The following RBPJ variants were observed in gnomAD, a reference collection of about 807,000 sequenced individuals.
The protein encoded by RBPJ is recombining binding protein suppressor of hairless.
Under a neutral mutation model 67.8 loss-of-function variants are expected in RBPJ, and 9 were observed. The observed-to-expected ratio is 0.13, with a 90% CI of 0.08 to 0.23. The LOEUF is 0.23. RBPJ is among the 10% of genes least tolerant of loss of function. The probability of loss-of-function intolerance (pLI) is 1.00; values close to 1 mark genes in which losing one functional copy is unlikely to be tolerated. For missense variants in RBPJ, 305 were observed against 595.6 expected (o/e 0.51, Z 5.08); for synonymous variants, 198 against 203.3 (o/e 0.97, Z 0.22).
intron 1 of RBPJ, among the ~76,000 whole-genome samples, chr4:26,365,124 C>G (rs149295474): frequency 6.6e-6 from 1 of 151,530 alleles, no homozygotes; most frequent in South Asian, 2.1e-4. Flanking sequence ...TATATACACA[C>G]AGTGCAGGTT....
At chr4:26,328,290 T>G (rs1370773535) in intron 1 of RBPJ, among the ~76,000 whole-genome samples, 1 of 152,220 alleles carries the variant, frequency 6.6e-6, no homozygotes, top group Non-Finnish European at 1.5e-5. Flanking sequence ...CTCCTTTTAG[T>G]ATTGTTTTAA....
chr4:26,168,140 G>A (rs541445919), intron 1 of RBPJ, among the ~76,000 whole-genome samples: 2,312 of 150,944 alleles, frequency 0.015, 27 homozygotes, highest in Admixed American at 0.028. Context: ...TATTTTGCTC[G>A]TTAGTTGATG....
At chr4:26,240,704 G>A (rs901628802) in intron 1 of RBPJ, among the ~76,000 whole-genome samples, 1 of 152,148 alleles carries the variant, frequency 6.6e-6, no homozygotes, top group Admixed American at 6.5e-5. Context: ...TTTAATGTTA[G>A]ATAGACCTTT....
chr4:26,380,241 T>C (rs1417811211), intron 1 of RBPJ, among the ~76,000 whole-genome samples: 1 of 152,218 alleles, frequency 6.6e-6, no homozygotes, highest in Non-Finnish European at 1.5e-5. Context: ...TTAAGTAGTT[T>C]CTGAATGTTT....
chr4:26,119,630 A>T, the RBPJ span, among the ~76,000 whole-genome samples: 1 of 151,992 alleles, frequency 6.6e-6, no homozygotes, highest in Non-Finnish European at 1.5e-5. Flanking sequence ...GTTCAATTTT[A>T]TTTTGGTTCA....
At chr4:26,208,240 G>A (rs1342195279) in intron 1 of RBPJ, among the ~76,000 whole-genome samples, 48 of 152,180 alleles carry the variant, frequency 3.2e-4, no homozygotes, top group Non-Finnish European at 1.5e-5. Context: ...TTCCCATCTT[G>A]CAGATGAGAT....
At chr4:26,196,010 G>A (rs1052407868) in intron 1 of RBPJ, among the ~76,000 whole-genome samples, 95 of 152,214 alleles carry the variant, frequency 6.2e-4, no homozygotes, top group Non-Finnish European at 9.6e-4. Context: ...AGAGAAGAGA[G>A]AAAAGAGAGA....
intron 1 of RBPJ, among the ~76,000 whole-genome samples, chr4:26,294,925 A>T (rs985069986): frequency 4.6e-5 from 7 of 152,108 alleles, no homozygotes; most frequent in Non-Finnish European, 8.8e-5. Flanking sequence ...CAATAGGACT[A>T]ACAAGACCTG....
chr4:26,179,630 C>T (rs1716911538), intron 1 of RBPJ, among the ~76,000 whole-genome samples: 1 of 152,068 alleles, frequency 6.6e-6, no homozygotes, highest in African/African-American at 2.4e-5. Context: ...CGTCTCATAC[C>T]AGTCAGAATG....
chr4:26,120,484 T>C, the RBPJ span, among the ~76,000 whole-genome samples: 4 of 152,204 alleles, frequency 2.6e-5, no homozygotes, highest in Non-Finnish European at 5.9e-5. Flanking sequence ...TTTAGTCCTC[T>C]CTGTCTTGGC....
the RBPJ span, among the ~76,000 whole-genome samples, chr4:26,142,973 G>A: frequency 3.5e-4 from 54 of 152,146 alleles, no homozygotes; most frequent in African/African-American, 1.3e-3. Flanking sequence ...GTAGAGATGG[G>A]GTTTCATCAT....
chr4:26,396,131 A>G (rs1157679028), intron 2 of RBPJ, among the ~76,000 whole-genome samples: 2 of 152,240 alleles, frequency 1.3e-5, no homozygotes, highest in Admixed American at 6.5e-5. Context: ...TAAGACACCT[A>G]TGAGTAACAA....
intron 1 of RBPJ, among the ~76,000 whole-genome samples, chr4:26,303,481 A>G (rs1292784574): frequency 6.6e-6 from 1 of 150,516 alleles, no homozygotes; most frequent in Non-Finnish European, 1.5e-5. Context: ...ATATAAAGAA[A>G]TATAATCTTG....
At chr4:26,240,590 G>C (rs1374526051) in intron 1 of RBPJ, among the ~76,000 whole-genome samples, 1 of 152,106 alleles carries the variant, frequency 6.6e-6, no homozygotes, top group Non-Finnish European at 1.5e-5. Context: ...TGTTTTAGTG[G>C]GCTCTTGTCT....
chr4:26,247,389 G>C (rs1719962486), intron 1 of RBPJ, among the ~76,000 whole-genome samples: 1 of 151,506 alleles, frequency 6.6e-6, no homozygotes, highest in African/African-American at 2.4e-5. Flanking sequence ...ATATTTTCTT[G>C]TTAAATTTTT....
chr4:26,336,846 A>T (rs1724886404), intron 1 of RBPJ, among the ~76,000 whole-genome samples: 1 of 152,206 alleles, frequency 6.6e-6, no homozygotes, highest in Non-Finnish European at 1.5e-5. Context: ...TTTAAGGTAT[A>T]TTTATCCTTT....
At chr4:26,351,619 C>T (rs1292743755) in intron 1 of RBPJ, among the ~76,000 whole-genome samples, 6 of 152,168 alleles carry the variant, frequency 3.9e-5, no homozygotes, top group African/African-American at 1.4e-4. Flanking sequence ...GAACTCAAGT[C>T]TTCCGCCTGC....
chr4:26,365,546 T>C (rs1007905105), intron 1 of RBPJ, among the ~76,000 whole-genome samples: 1 of 152,214 alleles, frequency 6.6e-6, no homozygotes, highest in East Asian at 1.9e-4. Context: ...TAGAAAAGAA[T>C]GTATTTCTTG....
intron 1 of RBPJ, among the ~76,000 whole-genome samples, chr4:26,384,986 C>T (rs1204727083): frequency 2.2e-5 from 2 of 89,782 alleles, no homozygotes; most frequent in Non-Finnish European, 2.2e-5. Flanking sequence ...TCTCTCCTCC[C>T]CTCTCCCCTC....
Sources: allele counts gnomAD v4.1 joint callset (sites outside exome capture counted in the v4.1 genomes callset), GRCh38; gene constraint gnomAD v4.1.1; transcripts MANE v1.5; gene names NCBI Gene and HGNC (gene_info 2026-07-23, HGNC 2026-07-21).